Variants in TRPC5 observed in about 807,000 individuals in gnomAD.
TRPC5 encodes the protein short transient receptor potential channel 5.
In TRPC5, 9 loss-of-function variants were observed where a neutral mutation model predicts 56.5. The observed-to-expected ratio is 0.16, with a 90% CI of 0.10 to 0.28. The LOEUF is 0.28. TRPC5 is among the 10% of genes least tolerant of loss of function. The pLI is 1.00. For missense variants in TRPC5, 469 were observed against 748.9 expected (o/e 0.63, Z 4.36); for synonymous variants, 282 against 278.5 (o/e 1.01, Z -0.13).
intron 8 of TRPC5, among the ~76,000 whole-genome samples, chrX:111,781,715 C>T (rs1016332191): frequency 9.1e-6 from 1 of 110,487 alleles, no homozygotes; most frequent in African/African-American, 3.3e-5. Context: ...CAGAGCGAGA[C>T]GCCATCTCAA....
chrX:111,952,406 G>A lies in TRPC5; in HGVS notation c.15C>T (p.Tyr5=), dbSNP rs979479616. Residue 5 remains tyrosine (Y), a synonymous_variant, in exon 2 of 11, where the codon TAC becomes TAT. Coordinates refer to ENST00000262839, the MANE Select transcript of TRPC5 (RefSeq NM_012471.3). MAQL[Y]YKKVNYSPYR... ...ACGGTGAGTAGTTGACCTTTTTGTA[G>A]TACAGTTGGGCCATGGTTCATAGCA... The A allele has an allele frequency of 4.2e-6, 5 of 1,201,661 alleles. No homozygotes were observed. In the African/African-American group the frequency reaches 7.0e-5, roughly 17 times the overall value.
chrX:111,807,090 G>A (rs911083649), intron 7 of TRPC5, among the ~76,000 whole-genome samples: 9 of 111,273 alleles, frequency 8.1e-5, no homozygotes, highest in South Asian at 3.8e-4. Context: ...TTACCTTCTT[G>A]TACTTGAATA....
At chrX:111,886,793 C>T (rs1039324485) in intron 3 of TRPC5, among the ~76,000 whole-genome samples, 1 of 112,112 alleles carries the variant, frequency 8.9e-6, no homozygotes, top group Admixed American at 9.5e-5. Flanking sequence ...TTTCTGTCGC[C>T]TCCTGTGAGC....
At chrX:111,949,354 A>G (rs140120700) in intron 2 of TRPC5, among the ~76,000 whole-genome samples, 1,389 of 112,297 alleles carry the variant, frequency 0.012, 20 homozygotes, top group African/African-American at 0.042. Context: ...TAATTAAACT[A>G]AAGAGCTTTT....
intron 3 of TRPC5, among the ~76,000 whole-genome samples, chrX:111,892,750 A>G (rs748767475): frequency 1.8e-5 from 2 of 111,877 alleles, no homozygotes; most frequent in Admixed American, 9.5e-5. Context: ...GGTTCTAACT[A>G]TGAGATGAAT....
intron 7 of TRPC5, among the ~76,000 whole-genome samples, chrX:111,811,158 T>C (rs1427971277): frequency 8.9e-6 from 1 of 112,119 alleles, no homozygotes; most frequent in Non-Finnish European, 1.9e-5. Flanking sequence ...TTCCATTGGA[T>C]GCATTTAAAT....
chrX:112,044,644 C>T (rs1602409557), intron 1 of TRPC5, among the ~76,000 whole-genome samples: 1 of 112,185 alleles, frequency 8.9e-6, no homozygotes, highest in Admixed American at 9.4e-5. Context: ...TATTAAAAGG[C>T]TACAGTTTGC....
At chrX:112,035,958 CAT>C (rs201536175) in intron 1 of TRPC5, among the ~76,000 whole-genome samples, 4 of 108,618 alleles carry the variant, frequency 3.7e-5, no homozygotes, top group South Asian at 4.0e-4. Flanking sequence ...TACACACACA[CAT>C]ATATATATAT....
At chrX:112,074,368 C>T (rs760652591) in intron 1 of TRPC5, among the ~76,000 whole-genome samples, 2 of 109,060 alleles carry the variant, frequency 1.8e-5, no homozygotes, top group African/African-American at 3.3e-5. Flanking sequence ...AGCAAACTAT[C>T]GCAAGGACAA....
At chrX:112,062,916 G>A (rs1930491967) in intron 1 of TRPC5, among the ~76,000 whole-genome samples, 1 of 111,404 alleles carries the variant, frequency 9.0e-6, no homozygotes, top group African/African-American at 3.3e-5. Flanking sequence ...GATAAGGGCA[G>A]TAAGTAGGGT....
intron 3 of TRPC5, among the ~76,000 whole-genome samples, chrX:111,867,603 G>A (rs950592543): frequency 9.0e-6 from 1 of 111,597 alleles, no homozygotes; most frequent in African/African-American, 3.3e-5. Flanking sequence ...TTAGTAGACG[G>A]TAAGCTTAGG....
intron 1 of TRPC5, among the ~76,000 whole-genome samples, chrX:111,963,203 C>T (rs762049107): frequency 8.9e-5 from 10 of 112,421 alleles, no homozygotes; most frequent in Admixed American, 6.6e-4. Context: ...GAGGGTCCTA[C>T]GCCCACAGAG....
intron 7 of TRPC5, among the ~76,000 whole-genome samples, chrX:111,818,382 C>T (rs779940948): frequency 4.5e-5 from 5 of 110,906 alleles, no homozygotes; most frequent in Admixed American, 9.6e-5. Flanking sequence ...ATGGATTCCT[C>T]TCTATTTGCC....
chrX:111,973,689 T>C (rs1287516681), intron 1 of TRPC5, among the ~76,000 whole-genome samples: 2 of 112,190 alleles, frequency 1.8e-5, no homozygotes, highest in Admixed American at 9.5e-5. Flanking sequence ...TCAGAAACTT[T>C]GTAAGCTGTT....
At chrX:112,080,295 C>T (rs974089220) in intron 1 of TRPC5, among the ~76,000 whole-genome samples, 2 of 109,968 alleles carry the variant, frequency 1.8e-5, no homozygotes, top group Non-Finnish European at 1.9e-5. Context: ...AACAGACGAA[C>T]CTGGGTGCTT....
rs985438951 is a variant in TRPC5 at position 111,873,694 on chromosome X, G to C, written c.901-19588C>G. On this transcript the variant is annotated intron_variant, in intron 3 of 10. Transcript: ENST00000262839. Reference sequence around the variant, plus strand: ...AGCTACTAGGGAGGCTGAGACAGGAGAATTGCTTGAACCCAGGAGGCGGAG... The same window carrying C: ...AGCTACTAGGGAGGCTGAGACAGGACAATTGCTTGAACCCAGGAGGCGGAG... Among the ~76,000 whole-genome samples, 12 of 110,871 alleles carry C rather than the reference G, an allele frequency of 1.1e-4. 1 individual carries two copies. The highest frequency in any genetic ancestry group is 7.7e-4 in the Admixed American group (8 of 10,407).
chrX:111,895,283 G>C (rs1217778379), intron 3 of TRPC5, among the ~76,000 whole-genome samples: 1 of 111,616 alleles, frequency 9.0e-6, no homozygotes, highest in Non-Finnish European at 1.9e-5. Flanking sequence ...ATGAGCAATA[G>C]TGATGAACAC....
At chrX:112,053,369 A>G (rs983762527) in intron 1 of TRPC5, among the ~76,000 whole-genome samples, 1 of 111,879 alleles carries the variant, frequency 8.9e-6, no homozygotes, top group African/African-American at 3.3e-5. Flanking sequence ...CATTTATAAA[A>G]TGGTGACAGT....
chrX:112,007,447 C>T lies in TRPC5; in HGVS notation c.-21-55006G>A, dbSNP rs1317428367. ...ATTTTTTTAGTTTGTTTCAGGGAGCCAGAGCCAGGACAAGTAAGCTTTCCT... is the reference window on the plus strand; with the variant it reads ...ATTTTTTTAGTTTGTTTCAGGGAGCTAGAGCCAGGACAAGTAAGCTTTCCT... On this transcript the variant is annotated intron_variant, in intron 1 of 10. Transcript: ENST00000262839. 4.5e-5 allele frequency among the ~76,000 whole-genome samples: 5 copies of T among 111,276 alleles called. No homozygotes were observed. In the Admixed American group the frequency reaches 4.8e-4, roughly 11 times the overall value.
Sources: gnomAD v4.1 joint callset for allele counts (sites outside exome capture counted in the v4.1 genomes callset) on GRCh38, gnomAD v4.1.1 for gene constraint, MANE v1.5 for transcripts, NCBI Gene and HGNC (gene_info 2026-07-23, HGNC 2026-07-21) for gene names.